AOPEP: variants seen among roughly 807,000 people sequenced by gnomAD.
AOPEP encodes the protein aminopeptidase O (putative).
A neutral mutation model predicts 98.1 loss-of-function variants in AOPEP; 77 were observed. The observed-to-expected ratio is 0.78, with a 90% CI of 0.65 to 0.95. The LOEUF (loss-of-function observed/expected upper bound fraction) is 0.95. AOPEP is among the 40% of genes least tolerant of loss of function. AOPEP has a pLI of 0.00. For synonymous variants in AOPEP, 346 were observed against 365.3 expected, an observed-to-expected ratio of 0.95 and a Z score of 0.60; for missense variants, 1,024 against 1,024.7, an observed-to-expected ratio of 1.00 and a Z score of 0.01.
chr9:95,139,823 T>TGA, the AOPEP span, among the ~76,000 whole-genome samples: 3 of 146,058 alleles, frequency 2.1e-5, no homozygotes, highest in African/African-American at 7.6e-5. Flanking sequence ...ACAAAATGAA[T>TGA]ATATATATAT....
At chr9:94,926,601 G>A (rs1166304316) in intron 6 of AOPEP, among the ~76,000 whole-genome samples, 4 of 152,228 alleles carry the variant, frequency 2.6e-5, no homozygotes, top group Admixed American at 2.6e-4. Context: ...CCTGGCGAGT[G>A]CCTGCCTCAG....
chr9:94,807,972 A>T (rs1849603358), intron 5 of AOPEP, among the ~76,000 whole-genome samples: 1 of 152,060 alleles, frequency 6.6e-6, no homozygotes, highest in Admixed American at 6.5e-5. Context: ...TGGGTGAGAA[A>T]TTGCCTTGTC....
chr9:94,913,357 G>A (rs1000999320), intron 5 of AOPEP, among the ~76,000 whole-genome samples: 2 of 152,098 alleles, frequency 1.3e-5, no homozygotes, highest in South Asian at 2.1e-4. Flanking sequence ...CCTTTCAGAG[G>A]GACATGCTGT....
intron 11 of AOPEP, chr9:95,004,356 T>G (rs961720805): frequency 1.8e-5 from 8 of 451,180 alleles, no homozygotes; most frequent in African/African-American, 1.6e-4. Flanking sequence ...ACCCAGTGGT[T>G]CTGGGGGTCC....
At chr9:95,107,566 A>T in the AOPEP span, 2 of 500,298 alleles carry the variant, frequency 4.0e-6, no homozygotes, top group African/African-American at 3.8e-5. Context: ...ATGTAGTCAG[A>T]TTTTTATATT....
chr9:95,086,807 C>CGT lies in AOPEP; in HGVS notation c.*130_*131insGT. The CGT allele has an allele frequency of 1.0e-6, 1 of 988,012 alleles. No individual in the cohort carries two copies. Among genetic ancestry groups the CGT allele is most frequent in the Non-Finnish European group, 1.2e-6 (1 of 830,124 alleles). 61.2% of individuals were successfully genotyped at this position (988,012 alleles called of 1,614,324 possible). ...AGCCATCGGCCCACAGCCCTGTTCA[C>CGT]ATCTTGGTGCTTCTCTTTCCCAGAG... On this transcript the variant is annotated 3_prime_UTR_variant, in exon 17 of 17. Transcript: ENST00000375315.
chr9:94,915,266 T>A (rs1235525391), intron 5 of AOPEP, among the ~76,000 whole-genome samples: 1 of 152,154 alleles, frequency 6.6e-6, no homozygotes, highest in Non-Finnish European at 1.5e-5. Context: ...ACAATATATG[T>A]GTTTAGTATC....
intron 11 of AOPEP, among the ~76,000 whole-genome samples, chr9:95,003,659 C>T (rs563859520): frequency 9.9e-5 from 15 of 152,154 alleles, no homozygotes; most frequent in Non-Finnish European, 1.6e-4. Context: ...ATATATATTT[C>T]CTTTACAGTA....
intron 13 of AOPEP, among the ~76,000 whole-genome samples, chr9:95,018,708 A>G (rs1229244917): frequency 4.6e-5 from 7 of 152,086 alleles, no homozygotes; most frequent in African/African-American, 1.7e-4. Flanking sequence ...TGTTGTGGAG[A>G]GGTTCTCTCT....
chr9:94,934,161 A>T (rs2055856774), intron 7 of AOPEP, among the ~76,000 whole-genome samples: 1 of 152,100 alleles, frequency 6.6e-6, no homozygotes. Flanking sequence ...CAAAACGGAA[A>T]TGTCCTGGGG....
intron 3 of AOPEP, among the ~76,000 whole-genome samples, chr9:94,777,401 C>T (rs1237575784): frequency 3.4e-5 from 5 of 148,098 alleles, no homozygotes; most frequent in Non-Finnish European, 7.4e-5. Context: ...CACTGCACTC[C>T]AGTCTGGGCG....
intron 14 of AOPEP, among the ~76,000 whole-genome samples, chr9:95,075,294 T>G (rs926499749): frequency 1.3e-5 from 2 of 152,240 alleles, no homozygotes; most frequent in African/African-American, 4.8e-5. Flanking sequence ...TGTGAATATT[T>G]GAAGTGTACC....
At chr9:95,006,951 G>A (rs936661099) in intron 13 of AOPEP, among the ~76,000 whole-genome samples, 1 of 150,838 alleles carries the variant, frequency 6.6e-6, no homozygotes, top group Admixed American at 6.6e-5. Flanking sequence ...ACCCAGGCTG[G>A]AGTGCAGTGG....
chr9:94,901,313 G>A (rs2050368223), intron 5 of AOPEP, among the ~76,000 whole-genome samples: 1 of 152,096 alleles, frequency 6.6e-6, no homozygotes, highest in South Asian at 2.1e-4. Flanking sequence ...AGCCCCCATA[G>A]CAAGAATGTA....
chr9:94,945,763 C>T (rs1251537513), intron 7 of AOPEP, among the ~76,000 whole-genome samples: 2 of 152,194 alleles, frequency 1.3e-5, no homozygotes, highest in Non-Finnish European at 2.9e-5. Flanking sequence ...CTTCGAGCCT[C>T]CTCTTGTAAA....
intron 13 of AOPEP, among the ~76,000 whole-genome samples, chr9:95,012,445 G>A (rs986855406): frequency 6.6e-6 from 1 of 152,132 alleles, no homozygotes; most frequent in African/African-American, 2.4e-5. Flanking sequence ...GAAAAATTTC[G>A]TGGCTTTTTA....
intron 5 of AOPEP, among the ~76,000 whole-genome samples, chr9:94,824,046 T>C (rs1176800020): frequency 6.6e-6 from 1 of 152,220 alleles, no homozygotes. Flanking sequence ...GTTATTTTGC[T>C]TTTTGCTGAA....
At chr9:94,833,529 G>A (rs1197821884) in intron 5 of AOPEP, among the ~76,000 whole-genome samples, 1 of 152,040 alleles carries the variant, frequency 6.6e-6, no homozygotes, top group Non-Finnish European at 1.5e-5. Flanking sequence ...GAGCCACCGC[G>A]CCTGGCTGTG....
intron 11 of AOPEP, among the ~76,000 whole-genome samples, chr9:95,000,839 TA>T: frequency 6.6e-6 from 1 of 151,974 alleles, no homozygotes; most frequent in Admixed American, 6.5e-5. Context: ...TTCCTACTTT[TA>T]AATTCACCCT....
Sources: allele counts gnomAD v4.1 joint callset (sites outside exome capture counted in the v4.1 genomes callset), GRCh38; gene constraint gnomAD v4.1.1; transcripts MANE v1.5; gene names NCBI Gene and HGNC (gene_info 2026-07-23, HGNC 2026-07-21).